Variants in SUPT5H observed in about 807,000 individuals in gnomAD.
SUPT5H encodes the protein SPT5 homolog, DSIF elongation factor subunit.
A neutral mutation model predicts 142.5 loss-of-function variants in SUPT5H; 24 were observed. The ratio of observed to expected loss-of-function variants is 0.17; its 90% CI spans 0.12 to 0.24. The LOEUF is 0.24. SUPT5H is among the 10% of genes least tolerant of loss of function. The probability of loss-of-function intolerance (pLI) is 1.00; values close to 1 mark genes in which losing one functional copy is unlikely to be tolerated. For synonymous variants in SUPT5H, 546 were observed against 553.0 expected (o/e 0.99, Z 0.18); for missense variants, 893 against 1,471.8 (o/e 0.61, Z 6.43).
chr19:39,463,216 G>A (rs1486913914), intron 10 of SUPT5H, among the ~76,000 whole-genome samples: 1 of 151,180 alleles, frequency 6.6e-6, no homozygotes, highest in Non-Finnish European at 1.5e-5. Context: ...TGGCCAGGCT[G>A]GTATTGAACT....
At chr19:39,463,303 T>C (rs576554374) in intron 10 of SUPT5H, among the ~76,000 whole-genome samples, 2 of 152,212 alleles carry the variant, frequency 1.3e-5, no homozygotes, top group East Asian at 3.9e-4. Flanking sequence ...CTCCTGGCCT[T>C]TTTTTTCTTT....
At chr19:39,453,576 T>A (rs2079047735) in intron 3 of SUPT5H, 55 bp downstream of exon 3, 6 of 1,438,022 alleles carry the variant, frequency 4.2e-6, no homozygotes, top group Non-Finnish European at 4.6e-6. Context: ...TACTTTTAGT[T>A]CCATTTCTTT....
In SUPT5H at chr19:39,453,439, A is replaced by G; in HGVS notation, c.159A>G (p.Glu53=). 1.3e-6 allele frequency: 2 copies of G among 1,571,204 alleles called. No homozygotes were observed. The highest frequency in any genetic ancestry group is 1.7e-6 in the Non-Finnish European group (2 of 1,157,676). ...AAGAGGAGGAGGAAGAGGAGGAGGAATACGATGAGGAAGAGGAGGAAGAAG... is the reference window on the plus strand; with the variant it reads ...AAGAGGAGGAGGAAGAGGAGGAGGAGTACGATGAGGAAGAGGAGGAAGAAG... ...EDEEEEEEEE[E]YDEEEEEEDD... is the part of the protein sequence containing the mutation. Residue 53 remains glutamate (E), a synonymous_variant, in exon 3 of 30, where the codon GAA becomes GAG. Transcript: ENST00000432763.
At position 39,464,384 on chromosome 19, in the gene SUPT5H, G is replaced by A. The variant is rs143485841; in HGVS notation, c.625-414G>A. The stretch of plus-strand genomic sequence containing the variant: ...TTTTATTTTTTATTTTTAAGAGACA[G>A]GGTTTCACTCTGTTGCCCAGGCTGG... On this transcript the variant is annotated intron_variant, in intron 10 of 29. Transcript: ENST00000432763. Among the ~76,000 whole-genome samples, 390 of 148,530 alleles carry A rather than the reference G, an allele frequency of 2.6e-3. 3 individuals are homozygous for A. Among genetic ancestry groups the A allele is most frequent in the African/African-American group, 9.3e-3 (373 of 40,236 alleles).
chr19:39,460,136 T>C lies in SUPT5H; in HGVS notation c.624+176T>C, dbSNP rs572720415. ...ATGGAAGGGCTCTTCTCGGCCTAGA[T>C]GGATATGTTGTCTTTGTTCTCTGCA... On this transcript the variant is annotated intron_variant, in intron 10 of 29. Coordinates refer to ENST00000432763, the MANE Select transcript of SUPT5H (RefSeq NM_001111020.3). 85 of 635,624 alleles carry C rather than the reference T, an allele frequency of 1.3e-4. No homozygotes were observed. The African/African-American group carries it at 1.5e-3, about 11-fold the overall frequency. The allele number at this position is 635,624 out of a possible 1,614,324, so 39.4% of individuals were successfully genotyped here.
intron 3 of SUPT5H, among the ~76,000 whole-genome samples, chr19:39,454,122 C>T (rs144138610): frequency 6.6e-6 from 1 of 152,160 alleles, no homozygotes; most frequent in Non-Finnish European, 1.5e-5. Flanking sequence ...CCTTGAGATA[C>T]CTATAGCTGT....
intron 2 of SUPT5H, among the ~76,000 whole-genome samples, chr19:39,450,591 G>A (rs1351132724): frequency 6.6e-6 from 1 of 152,204 alleles, no homozygotes; most frequent in African/African-American, 2.4e-5. Flanking sequence ...CAGAGCATGT[G>A]CTTCTAGTTC....
chr19:39,472,392 CCTTG>C lies in SUPT5H; in HGVS notation c.1951-13_1951-10del. On this transcript the variant is annotated splice_polypyrimidine_tract_variant and intron_variant, in intron 20 of 29. Coordinates refer to ENST00000432763, the MANE Select transcript of SUPT5H (RefSeq NM_001111020.3). The surrounding 1 kb of genome is among the most constrained non-coding windows in gnomAD (Gnocchi z 4.2). ...CCCATCCCCTGCCTGCCAGTTCACTCCTTGCTTCTATCCTAGCCCCGTGATGTGA... is the reference window on the plus strand; with the variant it reads ...CCCATCCCCTGCCTGCCAGTTCACTCCTTCTATCCTAGCCCCGTGATGTGA... The C allele has an allele frequency of 2.5e-6, 4 of 1,613,564 alleles. No homozygotes were observed. The highest frequency in any genetic ancestry group is 1.1e-5 in the South Asian group (1 of 91,026).
Position 39,469,607 on chromosome 19 carries a change from G to A in SUPT5H, c.1374+209G>A, listed in dbSNP as rs1474267004. 6.1e-6 allele frequency: 4 copies of A among 657,822 alleles called. No individual in the cohort carries two copies. The highest frequency in any genetic ancestry group is 1.0e-5 in the Non-Finnish European group (4 of 387,238). The allele number at this position is 657,822 out of a possible 1,614,324, so 40.7% of individuals were successfully genotyped here. ...GGCCTGCCTGGTGGTGTCTGTCTCTGGAGAGTGACTTGGTCTATCTTTTGT... is the reference window on the plus strand; with the variant it reads ...GGCCTGCCTGGTGGTGTCTGTCTCTAGAGAGTGACTTGGTCTATCTTTTGT... On this transcript the variant is annotated intron_variant, in intron 16 of 29. Coordinates refer to ENST00000432763, the MANE Select transcript of SUPT5H (RefSeq NM_001111020.3). The surrounding 1 kb of genome is among the most constrained non-coding windows in gnomAD (Gnocchi z 5.1).
In SUPT5H at chr19:39,469,356, TG is replaced by T; in HGVS notation, c.1334del (p.Gly445AlafsTer34). The T allele has an allele frequency of 6.2e-7, 1 of 1,614,226 alleles. No homozygotes were observed. Among genetic ancestry groups the T allele is most frequent in the Non-Finnish European group, 8.5e-7 (1 of 1,180,042 alleles). On this transcript the variant is annotated frameshift_variant, in exon 16 of 30. Transcript: ENST00000432763. LOFTEE classifies it high-confidence loss of function. The surrounding 1 kb of genome is among the most constrained non-coding windows in gnomAD (Gnocchi z 5.1). Reference protein sequence around the residue: ...NLQGKILSVDGNKITIMPKHE... With the variant: ...NLQGKILSVDXNKITIMPKHE... ...TGCAGGGCAAGATCCTCAGCGTGGA[TG>T]GCAACAAGATCACCATCATGCCCAA...
Position 39,469,487 on chromosome 19 carries a change from C to T in SUPT5H, c.1374+89C>T. 5.7e-6 allele frequency: 9 copies of T among 1,574,880 alleles called. No individual in the cohort carries two copies. Among genetic ancestry groups the T allele is most frequent in the Non-Finnish European group, 7.8e-6 (9 of 1,154,588 alleles). ...GTCGAGGCGGTGGTGTGCCTGGTGACACCTGGTTTCCAGGAGGGTAAGTTG... is the reference window on the plus strand; with the variant it reads ...GTCGAGGCGGTGGTGTGCCTGGTGATACCTGGTTTCCAGGAGGGTAAGTTG... On this transcript the variant is annotated intron_variant, in intron 16 of 29. Transcript: ENST00000432763. The surrounding 1 kb of genome is among the most constrained non-coding windows in gnomAD (Gnocchi z 5.1).
rs1431223907 is a variant in SUPT5H at position 39,459,593 on chromosome 19, T to C, written c.555+4T>C. 6.2e-7 allele frequency: 1 copy of C among 1,613,962 alleles called. No individual in the cohort carries two copies. The highest frequency in any genetic ancestry group is 1.7e-5 in the Admixed American group (1 of 59,990). On this transcript the variant is annotated splice_donor_region_variant and intron_variant, in intron 9 of 29. Coordinates refer to ENST00000432763, the MANE Select transcript of SUPT5H (RefSeq NM_001111020.3). ...TCTGTGGACTGTCAAATGTAAGGTATGTGCTCTGATCTCGGGGCTTGGAGG... is the reference window on the plus strand; with the variant it reads ...TCTGTGGACTGTCAAATGTAAGGTACGTGCTCTGATCTCGGGGCTTGGAGG...
In SUPT5H at chr19:39,473,123, G is replaced by A. The variant is rs374546588; in HGVS notation, c.2258+9G>A. 44 of 1,612,454 alleles carry A rather than the reference G, an allele frequency of 2.7e-5. No homozygotes were observed. The East Asian group carries it at 3.6e-4, about 13-fold the overall frequency. On this transcript the variant is annotated intron_variant, in intron 23 of 29. Transcript: ENST00000432763. This position sits in a 1 kb window ranked among gnomAD's most constrained non-coding sequence, Gnocchi z 5.8. ...CAGCGGCTCACCACGGTGTACGGGC[G>A]GGGCCTGGGGAGGGCCAGGGTGGGG...
Position 39,474,004 on chromosome 19 carries a change from C to T in SUPT5H, c.2534C>T (p.Thr845Ile). The change falls in exon 26 of 30, where the codon ACC becomes ATC. Residue 845 changes from threonine (T) to isoleucine (I), a missense_variant. Around this residue, in one of 6 missense-constraint regions of SUPT5H, gnomAD observed 336 missense variants for 546.5 expected, o/e 0.61. Transcript: ENST00000432763. The surrounding 1 kb of genome is among the most constrained non-coding windows in gnomAD (Gnocchi z 6.5). Reference protein sequence around the residue: ...EYEYAFDDEPTPSPQAYGGTP... With the variant: ...EYEYAFDDEPIPSPQAYGGTP... ...GAGTATGCTTTCGATGATGAGCCCA[C>T]CCCGTCCCCGCAGGCCTATGGGGGA... 1 of 1,613,902 alleles carries T rather than the reference C, an allele frequency of 6.2e-7. No individual in the cohort carries two copies. The highest frequency in any genetic ancestry group is 8.5e-7 in the Non-Finnish European group (1 of 1,179,928).
In SUPT5H at chr19:39,459,092, C is replaced by T. The variant is rs1478386642; in HGVS notation, c.458+19C>T. 4 of 1,613,278 alleles carry T rather than the reference C, an allele frequency of 2.5e-6. No individual in the cohort carries two copies. The Admixed American group carries it at 5.0e-5, about 20-fold the overall frequency. Reference sequence around the variant, plus strand: ...GAGAGACGTAAGGGCATGGTGGGGGCAGGTGGGGGCAGGGAGCAGGTGGTC... The same window carrying T: ...GAGAGACGTAAGGGCATGGTGGGGGTAGGTGGGGGCAGGGAGCAGGTGGTC... On this transcript the variant is annotated intron_variant, in intron 7 of 29. Coordinates refer to ENST00000432763, the MANE Select transcript of SUPT5H (RefSeq NM_001111020.3).
Position 39,475,406 on chromosome 19 carries a change from A to AAAT in SUPT5H, c.3025-675_3025-674insAAT, listed in dbSNP as rs1555748316. Among the ~76,000 whole-genome samples, 34 of 150,696 alleles carry AAAT rather than the reference A, an allele frequency of 2.3e-4. 1 individual carries two copies. Among genetic ancestry groups the AAAT allele is most frequent in the Non-Finnish European group, 1.0e-4 (7 of 67,670 alleles). ...AGCAAGACTCCTCAAAAAAAAAAAA[A>AAAT]TGGTGAGTGATGAGGCCAGAGAGTT... On this transcript the variant is annotated intron_variant, in intron 28 of 29. Transcript: ENST00000432763.
At chr19:39,459,823 T>C in intron 9 of SUPT5H, 69 bp from the exon 10 acceptor site, 1 of 1,542,578 alleles carries the variant, frequency 6.5e-7, no homozygotes, top group Non-Finnish European at 9.0e-7. Context: ...TGCTGCTGTC[T>C]CCTTCCCCCT....
chr19:39,449,398 T>C (rs551486008), intron 2 of SUPT5H, among the ~76,000 whole-genome samples: 1 of 152,306 alleles, frequency 6.6e-6, no homozygotes, highest in Non-Finnish European at 1.5e-5. Flanking sequence ...TAAAATGTGC[T>C]TCATCGTGGG....
At position 39,474,303 on chromosome 19, in the gene SUPT5H, C is replaced by G; in HGVS notation, c.2721C>G (p.Ser907Arg). The change falls in exon 27 of 30, where the codon AGC (serine) becomes AGG (arginine). Residue 907 changes from serine to arginine, a missense_variant. Around this residue, in one of 6 missense-constraint regions of SUPT5H, gnomAD observed 336 missense variants for 546.5 expected, o/e 0.61. Coordinates refer to ENST00000432763, the MANE Select transcript of SUPT5H (RefSeq NM_001111020.3). The surrounding 1 kb of genome is among the most constrained non-coding windows in gnomAD (Gnocchi z 6.5). Reference sequence around the variant, plus strand: ...AAGGTTCCTACCAGCCCAGCCCCAGCCCCCAGAGCTACCACCAGGTGGCGC... The same window carrying G: ...AAGGTTCCTACCAGCCCAGCCCCAGGCCCCAGAGCTACCACCAGGTGGCGC... ...SPQGSYQPSP[S>R]PQSYHQVAPS... is the part of the protein sequence containing the mutation. 6.2e-7 allele frequency: 1 copy of G among 1,613,992 alleles called. No homozygotes were observed. The highest frequency in any genetic ancestry group is 8.5e-7 in the Non-Finnish European group (1 of 1,179,928).
Sources: allele counts gnomAD v4.1 joint callset (sites outside exome capture counted in the v4.1 genomes callset), GRCh38; gene constraint gnomAD v4.1.1; regional missense constraint gnomAD v4.1.1; non-coding constraint Gnocchi (gnomAD v3.1); transcripts MANE v1.5; gene names NCBI Gene and HGNC (gene_info 2026-07-23, HGNC 2026-07-21).